Variants in BAZ1A observed in about 807,000 individuals in gnomAD.
The protein encoded by BAZ1A is bromodomain adjacent to zinc finger domain protein 1A.
Under a neutral mutation model 185.2 loss-of-function variants are expected in BAZ1A, and 50 were observed. The observed-to-expected ratio is 0.27, with a 90% CI of 0.22 to 0.34. The LOEUF (loss-of-function observed/expected upper bound fraction) is 0.34. Among genes scored for constraint, BAZ1A ranks in the 10% least tolerant of loss-of-function variants. BAZ1A has a pLI of 1.00. For missense variants in BAZ1A, 1,356 were observed against 1,839.9 expected (o/e 0.74, Z 4.81); for synonymous variants, 571 against 615.6 (o/e 0.93, Z 1.07).
intron 4 of BAZ1A, among the ~76,000 whole-genome samples, chr14:34,818,973 C>G (rs2042044528): frequency 6.6e-6 from 1 of 151,692 alleles, no homozygotes; most frequent in Non-Finnish European, 1.5e-5. Flanking sequence ...AACCCCATCT[C>G]TACTAAAAAT....
At chr14:34,872,944 T>C (rs1206926959) in intron 2 of BAZ1A, among the ~76,000 whole-genome samples, 1 of 95,068 alleles carries the variant, frequency 1.1e-5, no homozygotes, top group Non-Finnish European at 2.3e-5. Flanking sequence ...AAAAAAAACT[T>C]GTCCAATTAC....
chr14:34,776,224 G>A lies in BAZ1A; in HGVS notation c.2528C>T (p.Ser843Leu). 1 of 1,614,144 alleles carries A rather than the reference G, an allele frequency of 6.2e-7. No individual in the cohort carries two copies. Among genetic ancestry groups the A allele is most frequent in the African/African-American group, 1.3e-5 (1 of 75,038 alleles). ...TTGAGACTGTACATTATTCTGAAAT[G>A]ATGAAGGTCTAGGCAACAGCATGTC... is the stretch of plus-strand genomic sequence containing the variant. Reference protein sequence around the residue: ...TEDMLLPRPSSFQNNVQSQDP... With the variant: ...TEDMLLPRPSLFQNNVQSQDP... The change falls in exon 18 of 27, where the codon TCA becomes TTA. Residue 843 changes from serine (S) to leucine (L), a missense_variant. Around this residue, in one of 7 missense-constraint regions of BAZ1A, gnomAD observed 434 missense variants for 561.7 expected, o/e 0.77. Transcript: ENST00000360310.
At chr14:34,807,981 T>G (rs1486417381) in intron 5 of BAZ1A, among the ~76,000 whole-genome samples, 2 of 151,862 alleles carry the variant, frequency 1.3e-5, no homozygotes, top group African/African-American at 2.4e-5. Context: ...GGCGCGTGCC[T>G]GTAGTCCCAG....
intron 4 of BAZ1A, among the ~76,000 whole-genome samples, chr14:34,824,408 C>CAAAAAAAAAAA: frequency 4.6e-5 from 3 of 65,770 alleles, no homozygotes; most frequent in Admixed American, 2.6e-4. Context: ...AGCAGCAACT[C>CAAAAAAAAAAA]AAAAAAAAAA....
At chr14:34,801,314 CAA>C (rs1286929740) in intron 7 of BAZ1A, 121 bp from the exon 8 acceptor site, 6 of 712,612 alleles carry the variant, frequency 8.4e-6, no homozygotes, top group Non-Finnish European at 1.1e-5. Context: ...TTTTTTGAGA[CAA>C]AGTCTCGCTC....
intron 3 of BAZ1A, among the ~76,000 whole-genome samples, chr14:34,853,818 G>A (rs1248576400): frequency 6.6e-6 from 1 of 152,048 alleles, no homozygotes; most frequent in Non-Finnish European, 1.5e-5. Flanking sequence ...ATAGTTAAAA[G>A]TAAATGAGAC....
chr14:34,773,386 A>C (rs565838009), intron 20 of BAZ1A, among the ~76,000 whole-genome samples, 186 bp downstream of exon 20: 3 of 152,214 alleles, frequency 2.0e-5, no homozygotes, highest in South Asian at 2.1e-4. Flanking sequence ...GCATTAGTAC[A>C]AAGTGGAGTA....
chr14:34,860,518 T>TTAAA, intron 3 of BAZ1A, among the ~76,000 whole-genome samples: 1 of 70,614 alleles, frequency 1.4e-5, no homozygotes, highest in African/African-American at 6.3e-5. Flanking sequence ...TACCAAAAGT[T>TTAAA]AAAAAAAAAA....
chr14:34,865,655 A>G (rs1322841389), intron 2 of BAZ1A, among the ~76,000 whole-genome samples: 2 of 152,226 alleles, frequency 1.3e-5, no homozygotes, highest in African/African-American at 2.4e-5. Context: ...CAGAAATAGC[A>G]TGCATATGCC....
rs1181710627 is a variant in BAZ1A, at chr14:34,832,211, C to CATATATATATATATATAT, written c.393-6056_393-6055insATATATATATATATATAT. ...ACATATACACACACACACACACACA[C>CATATATATATATATATAT]ACACATATATATATATATATGTATG... On this transcript the variant is annotated intron_variant, in intron 3 of 26. Coordinates refer to ENST00000360310, the MANE Select transcript of BAZ1A (RefSeq NM_013448.3). Among the ~76,000 whole-genome samples the CATATATATATATATATAT allele has an allele frequency of 3.6e-3, 237 of 65,388 alleles. 3 individuals are homozygous for CATATATATATATATATAT. Among genetic ancestry groups the CATATATATATATATATAT allele is most frequent in the African/African-American group, 0.011 (218 of 20,334 alleles). 42.9% of individuals were successfully genotyped at this position (65,388 alleles called of 152,430 possible).
intron 9 of BAZ1A, 71 bp from the exon 10 acceptor site, chr14:34,795,836 A>C: frequency 8.4e-7 from 1 of 1,184,628 alleles, no homozygotes; most frequent in Middle Eastern, 2.3e-4. Flanking sequence ...TCTCCTGAGA[A>C]CTTGTTAGAA....
intron 7 of BAZ1A, 26 bp from the exon 8 acceptor site, chr14:34,801,219 C>T (rs775448107): frequency 6.6e-7 from 1 of 1,508,806 alleles, no homozygotes. Flanking sequence ...AAATAGTATG[C>T]CTGGTTCTTA....
intron 3 of BAZ1A, among the ~76,000 whole-genome samples, chr14:34,839,401 T>C (rs1163115712): frequency 2.0e-5 from 3 of 152,016 alleles, no homozygotes; most frequent in African/African-American, 2.4e-5. Context: ...TTAGCCGGCA[T>C]GGTAGTGTGT....
rs1879390444 is a variant in BAZ1A, at chr14:34,773,676, C to T, written c.3048G>A (p.Glu1016=). The T allele has an allele frequency of 6.2e-7, 1 of 1,613,714 alleles. No homozygotes were observed. The highest frequency in any genetic ancestry group is 8.5e-7 in the Non-Finnish European group (1 of 1,179,888). ...WRSALESGRY[E]LLSEENKENG... is the part of the protein sequence containing the mutation. ...TTTCCTTGTTTTCCTCACTTAACAG[C>T]TCATACCGTCCACTTTCTAATGCTG... Residue 1016 remains glutamate, a synonymous_variant, in exon 20 of 27, where the codon GAG becomes GAA. Transcript: ENST00000360310.
At chr14:34,814,159 G>A (rs1049089754) in intron 4 of BAZ1A, among the ~76,000 whole-genome samples, 6 of 151,698 alleles carry the variant, frequency 4.0e-5, no homozygotes, top group African/African-American at 1.5e-4. Context: ...TTTTGAATAG[G>A]TCTCAACTTA....
Position 34,875,160 on chromosome 14 carries a change from T to C in BAZ1A, c.-81A>G. 1 of 419,342 alleles carries C rather than the reference T, an allele frequency of 2.4e-6. No individual in the cohort carries two copies. Among genetic ancestry groups the C allele is most frequent in the Non-Finnish European group, 4.8e-6 (1 of 206,198 alleles). 26.0% of individuals were successfully genotyped at this position (419,342 alleles called of 1,614,324 possible). On this transcript the variant is annotated 5_prime_UTR_variant, in exon 1 of 27. Transcript: ENST00000360310. The stretch of plus-strand genomic sequence containing the variant: ...CACCTGCGATCACGCCGACTGCCAC[T>C]TGTCCACCTTCTCCACTACAAAGGC...
intron 3 of BAZ1A, 130 bp from the exon 4 acceptor site, chr14:34,826,286 TTTAA>T (rs1312389749): frequency 1.2e-6 from 1 of 855,108 alleles, no homozygotes; most frequent in Non-Finnish European, 1.7e-6. Context: ...ATTTAAACAA[TTTAA>T]TTAAAAAGAA....
Position 34,826,013 on chromosome 14 carries a change from C to A in BAZ1A, c.536G>T (p.Gly179Val). ...TTAAAAATTAATAAAAATCACTTAC[C>A]CATTTTGAAAAGAACAGCTTTGTGT... ...SETQSCSFQN[G>V]KKKDAIDPLL... Residue 179 changes from glycine to valine, a missense_variant and splice_region_variant, in exon 4 of 27, where the codon GGG becomes GTG. By Grantham distance (109) the Gly-to-Val change is moderately radical. Around this residue, in one of 7 missense-constraint regions of BAZ1A, gnomAD observed 332 missense variants for 395.3 expected, o/e 0.84. Coordinates refer to ENST00000360310, the MANE Select transcript of BAZ1A (RefSeq NM_013448.3). 1 of 1,538,580 alleles carries A rather than the reference C, an allele frequency of 6.5e-7. No homozygotes were observed. Among genetic ancestry groups the A allele is most frequent in the South Asian group, 1.3e-5 (1 of 79,766 alleles).
chr14:34,849,087 G>C (rs2042559229), intron 3 of BAZ1A, among the ~76,000 whole-genome samples: 2 of 152,160 alleles, frequency 1.3e-5, no homozygotes, highest in Admixed American at 6.5e-5. Flanking sequence ...CACAAGGCCG[G>C]TTGAAGACTA....
Sources: allele counts gnomAD v4.1 joint callset (sites outside exome capture counted in the v4.1 genomes callset), GRCh38; gene constraint gnomAD v4.1.1; regional missense constraint gnomAD v4.1.1; transcripts MANE v1.5; gene names NCBI Gene and HGNC (gene_info 2026-07-23, HGNC 2026-07-21).